KHDC1: variants seen among roughly 807,000 people sequenced by gnomAD.
The protein encoded by KHDC1 is KH homology domain-containing protein 1.
KHDC1 carries 21 observed loss-of-function variants against 24.7 expected under a neutral mutation model. That is an observed-to-expected ratio of 0.85 (90% CI 0.60 to 1.23). The LOEUF (loss-of-function observed/expected upper bound fraction) is 1.23. Among genes scored for constraint, KHDC1 ranks in the 50% most tolerant of loss-of-function variants. The pLI is 0.00. For synonymous variants in KHDC1, 98 were observed against 111.7 expected (o/e 0.88, Z 0.77); for missense variants, 274 against 298.5 (o/e 0.92, Z 0.61).
In KHDC1 at chr6:73,263,008, C is replaced by T. The variant is rs1409475279; in HGVS notation, c.207-20478G>A. 1.5e-5 allele frequency: 15 copies of T among 1,016,616 alleles called. No individual in the cohort carries two copies. The African/African-American group carries it at 2.4e-4, about 16-fold the overall frequency. 63.0% of individuals were successfully genotyped at this position (1,016,616 alleles called of 1,614,324 possible). A position where few individuals can be genotyped will look rare whatever the true frequency, so the allele number is the denominator to read the frequency against. ...GTAGGAATGAAGGAGGTGAGGGTGG[C>T]GCGCCGCAGGCCTGGGCCACTCCCT... is the stretch of plus-strand genomic sequence containing the variant. On this transcript the variant is annotated intron_variant, in intron 2 of 4. Transcript: ENST00000370384.
intron 1 of KHDC1, among the ~76,000 whole-genome samples, chr6:73,308,965 G>A (rs989424190): frequency 2.0e-5 from 3 of 152,186 alleles, no homozygotes; most frequent in African/African-American, 7.2e-5. Flanking sequence ...CCTAGTACCT[G>A]GGATTACAGG....
At chr6:73,263,611 TGG>T (rs10611256) in intron 2 of KHDC1, among the ~76,000 whole-genome samples, 92,197 of 141,482 alleles carry the variant, frequency 0.65, 32,937 homozygotes, top group South Asian at 0.82. Flanking sequence ...GGTGTCGCGG[TGG>T]GGGGGGGGGT....
intron 2 of KHDC1, among the ~76,000 whole-genome samples, chr6:73,272,699 C>T (rs1767202396): frequency 6.6e-6 from 1 of 150,652 alleles, no homozygotes; most frequent in African/African-American, 2.4e-5. Context: ...TCGCTTGAAC[C>T]CAGAAGGCAG....
At chr6:73,298,817 A>G (rs939542617) in intron 1 of KHDC1, among the ~76,000 whole-genome samples, 2 of 152,138 alleles carry the variant, frequency 1.3e-5, no homozygotes, top group Non-Finnish European at 2.9e-5. Context: ...AGCTCACTGC[A>G]GCCTCCAACT....
intron 2 of KHDC1, chr6:73,291,143 C>T (rs554498052): frequency 3.0e-5 from 15 of 501,502 alleles, no homozygotes; most frequent in South Asian, 2.2e-4. Flanking sequence ...CATGCAGGTG[C>T]CCTCTGTGCC....
intron 2 of KHDC1, among the ~76,000 whole-genome samples, chr6:73,251,172 C>A (rs1327987933): frequency 1.3e-5 from 2 of 152,014 alleles, no homozygotes; most frequent in Non-Finnish European, 2.9e-5. Context: ...ATAGTTCTGG[C>A]CTTATTGAAT....
At chr6:73,249,131 T>C (rs1313253171) in intron 2 of KHDC1, among the ~76,000 whole-genome samples, 1 of 152,050 alleles carries the variant, frequency 6.6e-6, no homozygotes, top group Non-Finnish European at 1.5e-5. Flanking sequence ...AACTTTTGTG[T>C]TAAAGCTTAA....
chr6:73,305,554 G>A (rs1298193287), intron 1 of KHDC1, among the ~76,000 whole-genome samples: 1 of 152,044 alleles, frequency 6.6e-6, no homozygotes, highest in Non-Finnish European at 1.5e-5. Context: ...AAAGGACCTG[G>A]CACTTGAGCA....
chr6:73,293,778 G>T (rs868655361), intron 1 of KHDC1, among the ~76,000 whole-genome samples: 11 of 90,154 alleles, frequency 1.2e-4, no homozygotes, highest in Non-Finnish European at 1.7e-4. Flanking sequence ...GCCAAGGTAC[G>T]GGTGGATCAC....
chr6:73,270,226 C>G (rs1481883509), intron 2 of KHDC1: 1 of 152,028 alleles, frequency 6.6e-6, no homozygotes. Context: ...TTTTGGTTTT[C>G]TGTTCTATTT....
At chr6:73,253,281 T>C (rs941829461) in intron 2 of KHDC1, among the ~76,000 whole-genome samples, 1 of 151,970 alleles carries the variant, frequency 6.6e-6, no homozygotes, top group African/African-American at 2.4e-5. Context: ...ACCTGCCGGG[T>C]ACGGTGGCTC....
intron 2 of KHDC1, among the ~76,000 whole-genome samples, chr6:73,264,033 T>C (rs1164184147): frequency 2.6e-5 from 4 of 152,226 alleles, no homozygotes; most frequent in East Asian, 1.9e-4. Flanking sequence ...AACTTGTCTC[T>C]ACAAAAAATT....
At chr6:73,280,094 G>T (rs1346625942) in intron 2 of KHDC1, among the ~76,000 whole-genome samples, 1 of 152,032 alleles carries the variant, frequency 6.6e-6, no homozygotes, top group Non-Finnish European at 1.5e-5. Context: ...CTTAATAGAA[G>T]AAATAATACC....
chr6:73,297,238 C>T (rs1428352062), intron 1 of KHDC1, among the ~76,000 whole-genome samples: 1 of 152,110 alleles, frequency 6.6e-6, no homozygotes, highest in Non-Finnish European at 1.5e-5. Context: ...ATACAATACA[C>T]ACAGTTTGCA....
chr6:73,253,811 G>A (rs1287961121), intron 2 of KHDC1, among the ~76,000 whole-genome samples: 3 of 152,052 alleles, frequency 2.0e-5, no homozygotes, highest in Admixed American at 1.3e-4. Flanking sequence ...GGAGACTGAG[G>A]TGGGAAGATA....
chr6:73,305,091 A>T (rs1767937358), intron 1 of KHDC1, among the ~76,000 whole-genome samples: 1 of 151,980 alleles, frequency 6.6e-6, no homozygotes. Context: ...TACAAAAATT[A>T]GCTGGGCATG....
At chr6:73,265,221 C>T (rs1056678282) in intron 2 of KHDC1, among the ~76,000 whole-genome samples, 14 of 152,192 alleles carry the variant, frequency 9.2e-5, no homozygotes, top group Admixed American at 3.3e-4. Context: ...CCCCAGAAAC[C>T]GCAAAACAAT....
rs777174960 is a variant in KHDC1 at position 73,253,277 on chromosome 6, C to T, written c.207-10747G>A. Reference sequence around the variant, plus strand: ...CATTGGAATAAACAGGTTAACCTGCCGGGTACGGTGGCTCACGCCTGTAAT... The same window carrying T: ...CATTGGAATAAACAGGTTAACCTGCTGGGTACGGTGGCTCACGCCTGTAAT... On this transcript the variant is annotated intron_variant, in intron 2 of 4. Transcript: ENST00000370384. Among the ~76,000 whole-genome samples, 4 of 152,046 alleles carry T rather than the reference C, an allele frequency of 2.6e-5. No homozygotes were observed. In the South Asian group the frequency reaches 6.3e-4, roughly 24 times the overall value.
intron 2 of KHDC1, among the ~76,000 whole-genome samples, chr6:73,255,345 G>A (rs1422870308): frequency 1.3e-5 from 2 of 149,074 alleles, no homozygotes; most frequent in East Asian, 4.1e-4. Flanking sequence ...TCAGTCTCCC[G>A]AGTAGCTGGG....
Sources: gnomAD v4.1 joint callset for allele counts (sites outside exome capture counted in the v4.1 genomes callset) on GRCh38, gnomAD v4.1.1 for gene constraint, MANE v1.5 for transcripts, NCBI Gene and HGNC (gene_info 2026-07-23, HGNC 2026-07-21) for gene names.